The following PCDH15 variants were observed in gnomAD, a reference collection of about 807,000 sequenced individuals.
The protein encoded by PCDH15 is protocadherin related 15, also known as protocadherin-15.
Under a neutral mutation model 178.5 loss-of-function variants are expected in PCDH15, and 129 were observed. The ratio of observed to expected loss-of-function variants is 0.72; its 90% CI spans 0.63 to 0.84. PCDH15 has a LOEUF of 0.84. PCDH15 is among the 40% of genes least tolerant of loss of function. The pLI, the probability that PCDH15 is intolerant of heterozygous loss-of-function variation, is 0.00. For missense variants in PCDH15, 2,230 were observed against 2,099.9 expected (o/e 1.06, Z -1.21); for synonymous variants, 800 against 732.0 (o/e 1.09, Z -1.50).
At chr10:55,547,842 A>G (rs1841917028) in intron 2 of PCDH15, among the ~76,000 whole-genome samples, 1 of 150,190 alleles carries the variant, frequency 6.7e-6, no homozygotes, top group Admixed American at 6.7e-5. Context: ...CTACCTTGAT[A>G]TCACTCTGCA....
At chr10:55,296,982 A>T (rs984251529) in intron 1 of PCDH15, among the ~76,000 whole-genome samples, 10 of 152,066 alleles carry the variant, frequency 6.6e-5, no homozygotes, top group African/African-American at 2.4e-4. Flanking sequence ...CTTTACTTTT[A>T]AAAAAAGTTT....
chr10:54,109,839 T>C (rs1307310076), intron 15 of PCDH15, among the ~76,000 whole-genome samples: 3 of 152,156 alleles, frequency 2.0e-5, no homozygotes, highest in Non-Finnish European at 4.4e-5. Context: ...ATAACAAAAA[T>C]AGTATAATCA....
chr10:54,521,291 A>G (rs530702334), intron 3 of PCDH15, among the ~76,000 whole-genome samples: 218 of 152,298 alleles, frequency 1.4e-3, no homozygotes, highest in South Asian at 4.8e-3. Flanking sequence ...GTTGTCAATA[A>G]GATCCCTCAT....
intron 28 of PCDH15, 139 bp from the exon 29 acceptor site, chr10:53,840,635 C>T (rs952875208): frequency 1.2e-6 from 1 of 808,122 alleles, no homozygotes; most frequent in East Asian, 2.7e-5. Context: ...TGAATATAAA[C>T]CCTTGAAAAA....
intron 3 of PCDH15, among the ~76,000 whole-genome samples, chr10:54,853,343 A>ATG (rs1243501317): frequency 7.3e-6 from 1 of 136,406 alleles, no homozygotes; most frequent in Non-Finnish European, 1.5e-5. Context: ...ATACATATAT[A>ATG]TACATATATA....
rs184515433 is a variant in PCDH15, at chr10:54,543,961, C to T, written c.92-16084G>A. ...ACCAACCTTCTCTTTGTTCTTCAGA[C>T]ATACCGAAGAACACCTGACCCGTGT... On this transcript the variant is annotated intron_variant, in intron 2 of 37. Coordinates refer to ENST00000644397, the MANE Select transcript of PCDH15 (RefSeq NM_001384140.1). Among the ~76,000 whole-genome samples, 43 of 151,962 alleles carry T rather than the reference C, an allele frequency of 2.8e-4. No homozygotes were observed. The East Asian group carries it at 7.8e-3, about 27-fold the overall frequency.
intron 2 of PCDH15, among the ~76,000 whole-genome samples, chr10:55,020,379 A>T (rs1285243032): frequency 1.3e-5 from 2 of 150,076 alleles, no homozygotes; most frequent in African/African-American, 2.5e-5. Context: ...AAGTAATGAG[A>T]ATGCAAAAAA....
chr10:55,150,584 G>A (rs967015286), intron 2 of PCDH15, among the ~76,000 whole-genome samples: 5 of 152,032 alleles, frequency 3.3e-5, no homozygotes, highest in African/African-American at 7.2e-5. Flanking sequence ...TTTCACAACT[G>A]GAGGGTAAAA....
chr10:54,775,203 A>C (rs1949558868), intron 1 of PCDH15, among the ~76,000 whole-genome samples: 1 of 152,230 alleles, frequency 6.6e-6, no homozygotes, highest in Admixed American at 6.5e-5. Context: ...CTTAAGTTGA[A>C]GAATAATCCT....
chr10:54,661,653 T>C (rs549259985), intron 2 of PCDH15, among the ~76,000 whole-genome samples: 1 of 151,950 alleles, frequency 6.6e-6, no homozygotes, highest in Non-Finnish European at 1.5e-5. Context: ...CTTTATACTA[T>C]AAGGCTATAA....
At chr10:54,885,690 C>A (rs1020638350) in intron 3 of PCDH15, among the ~76,000 whole-genome samples, 1 of 151,960 alleles carries the variant, frequency 6.6e-6, no homozygotes, top group Non-Finnish European at 1.5e-5. Context: ...AACTATAAGA[C>A]AGACATAGAG....
intron 2 of PCDH15, among the ~76,000 whole-genome samples, chr10:55,110,656 A>C (rs1591910821): frequency 6.6e-6 from 1 of 151,952 alleles, no homozygotes; most frequent in South Asian, 2.1e-4. Flanking sequence ...AAAAAAAAAA[A>C]CCAACAAGAG....
rs145498313 is a variant in PCDH15 at position 54,758,059 on chromosome 10, G to A, written c.-29+42866C>T. 2.7e-3 allele frequency among the ~76,000 whole-genome samples: 415 copies of A among 152,130 alleles called. 3 individuals carry two copies. The highest frequency in any genetic ancestry group is 9.5e-3 in the African/African-American group (396 of 41,500). ...GTAGAATATTAATAAGAATATACAC[G>A]AAAAAGAAAAACATGAATATGCTTT... On this transcript the variant is annotated intron_variant, in intron 1 of 37. Transcript: ENST00000644397.
intron 25 of PCDH15, among the ~76,000 whole-genome samples, chr10:53,911,581 A>G (rs1342077710): frequency 6.6e-6 from 1 of 152,236 alleles, no homozygotes; most frequent in Non-Finnish European, 1.5e-5. Context: ...TTCAAATGCT[A>G]GCAGAAGGCA....
At chr10:54,574,807 C>T (rs1192252662) in intron 2 of PCDH15, among the ~76,000 whole-genome samples, 2 of 147,196 alleles carry the variant, frequency 1.4e-5, no homozygotes, top group Admixed American at 6.8e-5. Flanking sequence ...TGGGTATATA[C>T]CCAAAGGACT....
intron 2 of PCDH15, among the ~76,000 whole-genome samples, chr10:55,429,518 T>C (rs1838833546): frequency 6.6e-6 from 1 of 152,158 alleles, no homozygotes; most frequent in Admixed American, 6.6e-5. Context: ...AAGATTTTTA[T>C]CTTTACACTG....
intron 20 of PCDH15, among the ~76,000 whole-genome samples, chr10:54,000,411 G>A (rs576351645): frequency 6.6e-6 from 1 of 152,128 alleles, no homozygotes; most frequent in East Asian, 1.9e-4. Context: ...TAGTTGTTTT[G>A]AGAAAACTCA....
At chr10:54,213,848 T>C in intron 10 of PCDH15, 88 bp downstream of exon 10, 1 of 848,124 alleles carries the variant, frequency 1.2e-6, no homozygotes, top group Non-Finnish European at 1.9e-6. Context: ...TTTAATTTTA[T>C]AACATAAAAC....
intron 1 of PCDH15, among the ~76,000 whole-genome samples, chr10:55,278,363 C>T (rs1592043955): frequency 6.6e-6 from 1 of 151,744 alleles, no homozygotes; most frequent in South Asian, 2.1e-4. Flanking sequence ...ATTCTATTTT[C>T]CTTTTTTGTC....
Sources: gnomAD v4.1 joint callset for allele counts (sites outside exome capture counted in the v4.1 genomes callset) on GRCh38, gnomAD v4.1.1 for gene constraint, MANE v1.5 for transcripts, NCBI Gene and HGNC (gene_info 2026-07-23, HGNC 2026-07-21) for gene names.